Variants in CSF2RB observed in about 807,000 individuals in gnomAD.
CSF2RB encodes the protein colony stimulating factor 2 receptor subunit beta, also known as cytokine receptor common subunit beta.
In CSF2RB, 22 loss-of-function variants were observed where a neutral mutation model predicts 67.2. The observed-to-expected ratio is 0.33, with a 90% CI of 0.23 to 0.47. The LOEUF is 0.47. Among genes scored for constraint, CSF2RB ranks in the 20% least tolerant of loss-of-function variants. The pLI is 1.00. For synonymous variants in CSF2RB, 507 were observed against 482.9 expected, an observed-to-expected ratio of 1.05 and a Z score of -0.65; for missense variants, 1,113 against 1,174.5, an observed-to-expected ratio of 0.95 and a Z score of 0.76.
intron 10 of CSF2RB, 136 bp from the exon 11 acceptor site, chr22:36,935,215 C>A: frequency 1.2e-6 from 1 of 801,964 alleles, no homozygotes; most frequent in Non-Finnish European, 2.1e-6. Context: ...CCTAATCCCC[C>A]AAGGCAGTAA....
chr22:36,922,519 C>T (rs1320832599), intron 2 of CSF2RB: 1 of 594,390 alleles, frequency 1.7e-6, no homozygotes, highest in Non-Finnish European at 3.0e-6. Context: ...CCACATTTCT[C>T]AGGGCGGCAC....
chr22:36,920,112 A>G (rs957217081), intron 1 of CSF2RB, among the ~76,000 whole-genome samples: 12 of 152,244 alleles, frequency 7.9e-5, no homozygotes, highest in African/African-American at 2.9e-4. Context: ...TAACCTATAC[A>G]TAGATGTATT....
At position 36,938,490 on chromosome 22, in the gene CSF2RB, G is replaced by A. The variant is rs1323709503; in HGVS notation, c.2682G>A (p.Gly894=). ...CCCCTTGGGAGGTCAACAAGCCTGG[G>A]GAGGTGTGTTGAGACCCCCAGGCCT... ...SLPPWEVNKP[G]EVC The change falls in exon 14 of 14, where the codon GGG becomes GGA. Residue 894 remains glycine (G), a synonymous_variant. Coordinates refer to ENST00000403662, the MANE Select transcript of CSF2RB (RefSeq NM_000395.3). 6.2e-7 allele frequency: 1 copy of A among 1,613,124 alleles called. No homozygotes were observed. The highest frequency in any genetic ancestry group is 8.5e-7 in the Non-Finnish European group (1 of 1,179,406).
At chr22:36,930,608 C>T in intron 7 of CSF2RB, 65 bp from the exon 8 acceptor site, 1 of 1,611,278 alleles carries the variant, frequency 6.2e-7, no homozygotes, top group Non-Finnish European at 8.5e-7. Flanking sequence ...CACAGCCCAC[C>T]CTAAGCTCTC....
rs151112655 is a variant in CSF2RB, at chr22:36,930,707, C to T, written c.889C>T (p.Leu297Phe). 7.4e-6 allele frequency: 12 copies of T among 1,612,978 alleles called. No individual in the cohort carries two copies. The African/African-American group carries it at 1.5e-4, about 20-fold the overall frequency. The change falls in exon 8 of 14, where the codon CTC (leucine) becomes TTC (phenylalanine). Residue 297 changes from leucine to phenylalanine, a missense_variant. This residue lies in a region of CSF2RB where 559 missense variants were observed against 656.5 expected (regional missense o/e 0.85). Transcript: ENST00000403662. ...GTGCTCCCCAGTGCTGAGGGAGGGG[C>T]TCGGCAGCCTCCACACCAGGCACCA... is the stretch of plus-strand genomic sequence containing the variant. ...EECSPVLREG[L>F]GSLHTRHHCQ...
chr22:36,917,680 T>G (rs1465379834), intron 1 of CSF2RB, among the ~76,000 whole-genome samples: 1 of 152,198 alleles, frequency 6.6e-6, no homozygotes, highest in East Asian at 1.9e-4. Context: ...TCCCAGCACT[T>G]TGGGAGGCCA....
chr22:36,937,529 C>G lies in CSF2RB; in HGVS notation c.1721C>G (p.Pro574Arg). The G allele has an allele frequency of 6.2e-7, 1 of 1,613,940 alleles. No individual in the cohort carries two copies. The highest frequency in any genetic ancestry group is 8.5e-7 in the Non-Finnish European group (1 of 1,179,926). ...EQPPSPQPGP[P>R]AASHTPEKQA... ...CCCCCCAGCCCCCAGCCAGGCCCGCCTGCCGCCTCCCACACACCTGAGAAA... is the reference window on the plus strand; with the variant it reads ...CCCCCCAGCCCCCAGCCAGGCCCGCGTGCCGCCTCCCACACACCTGAGAAA... The change falls in exon 14 of 14, where the codon CCT (proline) becomes CGT (arginine). Residue 574 changes from proline to arginine, a missense_variant. By Grantham distance (103) the Pro-to-Arg change is moderately radical. Around this residue, in one of 2 missense-constraint regions of CSF2RB, gnomAD observed 554 missense variants for 517.9 expected, o/e 1.07. Coordinates refer to ENST00000403662, the MANE Select transcript of CSF2RB (RefSeq NM_000395.3). The surrounding 1 kb of genome is among the most constrained non-coding windows in gnomAD (Gnocchi z 4.6).
In CSF2RB at chr22:36,936,564, C is replaced by T; in HGVS notation, c.1480C>T (p.Leu494Phe). Reference protein sequence around the residue: ...SHLFQNGSAELWPPGSMSAFT... With the variant: ...SHLFQNGSAEFWPPGSMSAFT... ...GCTCTTGCAGAACGGGAGCGCAGAG[C>T]TTTGGCCCCCAGGCAGCATGTCGGC... Residue 494 changes from leucine (L) to phenylalanine (F), a missense_variant, in exon 13 of 14, where the codon CTT becomes TTT. Leu to Phe is a conservative substitution (Grantham distance 22). Around this residue, in one of 2 missense-constraint regions of CSF2RB, gnomAD observed 554 missense variants for 517.9 expected, o/e 1.07. Transcript: ENST00000403662. 2 of 1,613,048 alleles carry T rather than the reference C, an allele frequency of 1.2e-6. No homozygotes were observed. The highest frequency in any genetic ancestry group is 1.7e-6 in the Non-Finnish European group (2 of 1,179,986).
intron 10 of CSF2RB, 85 bp from the exon 11 acceptor site, chr22:36,935,266 A>T: frequency 2.3e-6 from 3 of 1,285,176 alleles, no homozygotes; most frequent in Non-Finnish European, 3.4e-6. Context: ...GGTCTTAAGG[A>T]ATACTGCACC....
rs778258053 is a variant in CSF2RB, at chr22:36,926,104, T to C, written c.318T>C (p.Thr106=). 47 of 1,614,132 alleles carry C rather than the reference T, an allele frequency of 2.9e-5. No homozygotes were observed. Among genetic ancestry groups the C allele is most frequent in the Non-Finnish European group, 3.9e-5 (46 of 1,180,052 alleles). The part of the protein sequence containing the change: ...CVIPCQSFVV[T]DVDYFSFQPD... ...TTCCCTGCCAGAGTTTTGTCGTCAC[T>C]GACGTTGACTACTTCTCATTCCAAC... Residue 106 remains threonine, a synonymous_variant, in exon 4 of 14, where the codon ACT becomes ACC. Coordinates refer to ENST00000403662, the MANE Select transcript of CSF2RB (RefSeq NM_000395.3).
At chr22:36,922,399 C>T (rs1214623500) in intron 2 of CSF2RB, 116 bp downstream of exon 2, 2 of 952,098 alleles carry the variant, frequency 2.1e-6, no homozygotes, top group Non-Finnish European at 3.3e-6. Context: ...TGCTCCCCTC[C>T]CTCTGTCTCT....
chr22:36,933,539 G>A (rs560032017), intron 9 of CSF2RB, among the ~76,000 whole-genome samples: 13 of 152,354 alleles, frequency 8.5e-5, no homozygotes, highest in South Asian at 4.1e-4. Context: ...TGCCCCAGAA[G>A]GGCTGGGAGC....
rs1357276670 is a variant in CSF2RB, at chr22:36,939,019, C to G, written c.*517C>G. On this transcript the variant is annotated 3_prime_UTR_variant, in exon 14 of 14. Transcript: ENST00000403662. Reference sequence around the variant, plus strand: ...AGGTGGGAGGCACCAGGTGGGCACCCGTGGGGGTTAGGGCTTGGAAGAGTG... The same window carrying G: ...AGGTGGGAGGCACCAGGTGGGCACCGGTGGGGGTTAGGGCTTGGAAGAGTG... 3.1e-6 allele frequency: 2 copies of G among 637,328 alleles called. No individual in the cohort carries two copies. Among genetic ancestry groups the G allele is most frequent in the African/African-American group, 3.6e-5 (2 of 55,458 alleles). 39.5% of individuals were successfully genotyped at this position (637,328 alleles called of 1,614,324 possible).
Position 36,929,785 on chromosome 22 carries a change from G to A in CSF2RB, c.696G>A (p.Glu232=), listed in dbSNP as rs1941109354. The A allele has an allele frequency of 1.2e-6, 2 of 1,613,966 alleles. No homozygotes were observed. Among genetic ancestry groups the A allele is most frequent in the East Asian group, 4.5e-5 (2 of 44,874 alleles). Residue 232 remains glutamate (E), a synonymous_variant, in exon 6 of 14, where the codon GAG becomes GAA. Coordinates refer to ENST00000403662, the MANE Select transcript of CSF2RB (RefSeq NM_000395.3). ...LSGRPSKWSP[E]VCWDSQPGDE... ...GACGTCCCAGCAAGTGGAGCCCAGA[G>A]GTTTGCTGGGACTCCCAGCCAGGTA... is the stretch of plus-strand genomic sequence containing the variant.
At chr22:36,935,806 G>A in intron 12 of CSF2RB, 119 bp downstream of exon 12, 2 of 1,167,174 alleles carry the variant, frequency 1.7e-6, no homozygotes, top group East Asian at 5.1e-5. Context: ...TAGGTGGACT[G>A]GGCTTTGGGA....
chr22:36,915,378 C>T (rs1940695034), intron 1 of CSF2RB, among the ~76,000 whole-genome samples: 1 of 151,388 alleles, frequency 6.6e-6, no homozygotes. Flanking sequence ...AGCCACTGTG[C>T]CAGGATGGTA....
intron 1 of CSF2RB, among the ~76,000 whole-genome samples, chr22:36,914,176 G>A (rs925656469): frequency 4.6e-5 from 7 of 152,110 alleles, no homozygotes; most frequent in African/African-American, 1.2e-4. Flanking sequence ...GTGTTTGCCC[G>A]TGTGTGCATT....
At chr22:36,933,243 G>T (rs1370452520) in intron 9 of CSF2RB, among the ~76,000 whole-genome samples, 2 of 152,204 alleles carry the variant, frequency 1.3e-5, no homozygotes, top group Non-Finnish European at 2.9e-5. Flanking sequence ...TTTCCTCAGA[G>T]GAATCTCATC....
chr22:36,935,212 C>T (rs1941240871), intron 10 of CSF2RB, 139 bp from the exon 11 acceptor site: 2 of 789,284 alleles, frequency 2.5e-6, no homozygotes, highest in East Asian at 2.7e-5. Flanking sequence ...TCCCCTAATC[C>T]CCCAAGGCAG....
Sources: gnomAD v4.1 joint callset for allele counts (sites outside exome capture counted in the v4.1 genomes callset) on GRCh38, gnomAD v4.1.1 for gene constraint, gnomAD v4.1.1 regional missense constraint, Gnocchi (gnomAD v3.1) non-coding constraint, MANE v1.5 for transcripts, NCBI Gene and HGNC (gene_info 2026-07-23, HGNC 2026-07-21) for gene names.